Variants in ROCK1 observed in about 807,000 individuals in gnomAD.
ROCK1 encodes the protein rho-associated protein kinase 1.
ROCK1 carries 36 observed loss-of-function variants against 196.8 expected under a neutral mutation model. The ratio of observed to expected loss-of-function variants is 0.18; its 90% CI spans 0.14 to 0.24. The LOEUF (loss-of-function observed/expected upper bound fraction) is 0.24. Ranked by LOEUF, ROCK1 falls within the 10% of genes least tolerant of loss-of-function variation. The pLI is 1.00. For synonymous variants in ROCK1, 443 were observed against 515.9 expected (o/e 0.86, Z 1.91); for missense variants, 920 against 1,562.0 (o/e 0.59, Z 6.93).
At position 20,966,968 on chromosome 18, in the gene ROCK1, T is replaced by C. The variant is rs752540628; in HGVS notation, c.3301A>G (p.Thr1101Ala). ...GCACTAGGAAAACTAGCAACACTTG[T>C]AGAATCCGAGAGGTCCAAAAGTTTA... is the stretch of plus-strand genomic sequence containing the variant. ...RAKLLDLSDS[T>A]SVASFPSADE... is the part of the protein sequence containing the mutation. The change falls in exon 27 of 33, where the codon ACA (threonine) becomes GCA (alanine). Residue 1101 changes from threonine to alanine, a missense_variant. This residue lies in a region of ROCK1 where 116 missense variants were observed against 204.2 expected (regional missense o/e 0.57). Transcript: ENST00000399799. The C allele has an allele frequency of 3.7e-6, 6 of 1,613,822 alleles. No homozygotes were observed. Among genetic ancestry groups the C allele is most frequent in the African/African-American group, 2.7e-5 (2 of 75,058 alleles).
chr18:21,096,862 G>A (rs1161223267), intron 1 of ROCK1, among the ~76,000 whole-genome samples: 1 of 152,110 alleles, frequency 6.6e-6, no homozygotes, highest in Non-Finnish European at 1.5e-5. Context: ...ATTCTCATTA[G>A]GTAAGATTAA....
chr18:20,985,804 C>T (rs2035573251), intron 19 of ROCK1, among the ~76,000 whole-genome samples: 1 of 152,110 alleles, frequency 6.6e-6, no homozygotes, highest in Non-Finnish European at 1.5e-5. Flanking sequence ...ATTCTATATA[C>T]CACTACCAGA....
At chr18:21,092,577 C>CT (rs2036579756) in intron 1 of ROCK1, among the ~76,000 whole-genome samples, 1 of 85,904 alleles carries the variant, frequency 1.2e-5, no homozygotes, top group Non-Finnish European at 1.9e-5. Flanking sequence ...AAGACCTCAT[C>CT]TTTAAAAAAA....
chr18:21,070,710 C>A (rs2036376917), intron 1 of ROCK1, 97 bp from the exon 2 acceptor site: 1 of 701,590 alleles, frequency 1.4e-6, no homozygotes, highest in East Asian at 3.0e-5. Context: ...TATTTAATTT[C>A]CCCTAACACA....
intron 29 of ROCK1, among the ~76,000 whole-genome samples, chr18:20,957,550 G>C (rs1205975493): frequency 6.6e-6 from 1 of 151,326 alleles, no homozygotes; most frequent in Non-Finnish European, 1.5e-5. Flanking sequence ...GCGCAATCTT[G>C]GCTCACCGCA....
In ROCK1 at chr18:20,979,892, A is replaced by G. The variant is rs2035514999; in HGVS notation, c.2654+18T>C. On this transcript the variant is annotated intron_variant, in intron 22 of 32. Transcript: ENST00000399799. The stretch of plus-strand genomic sequence containing the variant: ...CTGTTGCAGTACTGATTCTTGTTCT[A>G]AAGTAAAATGGACATACTTTTCATT... 1 of 1,521,052 alleles carries G rather than the reference A, an allele frequency of 6.6e-7. No homozygotes were observed. Among genetic ancestry groups the G allele is most frequent in the Non-Finnish European group, 8.8e-7 (1 of 1,132,906 alleles). The allele number at this position is 1,521,052 out of a possible 1,614,324, so 94.2% of individuals were successfully genotyped here.
rs745747942 is a variant in ROCK1, at chr18:20,967,949, ATAT to A, written c.3004-12_3004-10del. The A allele has an allele frequency of 6.7e-6, 10 of 1,486,492 alleles. No individual in the cohort carries two copies. The East Asian group carries it at 9.3e-5, about 14-fold the overall frequency. 92.1% of individuals were successfully genotyped at this position (1,486,492 alleles called of 1,614,324 possible). A position where few individuals can be genotyped will look rare whatever the true frequency, so the allele number is the denominator to read the frequency against. On this transcript the variant is annotated splice_polypyrimidine_tract_variant and intron_variant, in intron 25 of 32. Transcript: ENST00000399799. ...GCCAATTTGTTAACAGCCTATTAAAATATTATTAATAAAGATCAATAGTGTAGT... is the reference window on the plus strand; with the variant it reads ...GCCAATTTGTTAACAGCCTATTAAAATATTAATAAAGATCAATAGTGTAGT...
intron 2 of ROCK1, among the ~76,000 whole-genome samples, chr18:21,060,396 T>C (rs2036278391): frequency 6.6e-6 from 1 of 152,132 alleles, no homozygotes; most frequent in African/African-American, 2.4e-5. Flanking sequence ...CAACAGAAAC[T>C]CTCATTCATT....
chr18:20,984,425 C>T lies in ROCK1; in HGVS notation c.2415G>A (p.Lys805=), dbSNP rs2035559816. Residue 805 remains lysine, a synonymous_variant, in exon 20 of 33, where the codon AAG becomes AAA. Transcript: ENST00000399799. ...AAGTATTTATTTCCTGTTTCATCTG[C>T]TTTTCTAAACCTTTTAAATTGTCTG... ...FEADNLKGLE[K]QMKQEINTLL... is the part of the protein sequence containing the mutation. 6.2e-7 allele frequency: 1 copy of T among 1,612,726 alleles called. No homozygotes were observed. The highest frequency in any genetic ancestry group is 8.5e-7 in the Non-Finnish European group (1 of 1,179,488).
At chr18:20,981,010 A>C (rs1362879369) in intron 21 of ROCK1, among the ~76,000 whole-genome samples, 1 of 152,152 alleles carries the variant, frequency 6.6e-6, no homozygotes, top group Non-Finnish European at 1.5e-5. Context: ...TACTAATTTA[A>C]AGGTTAGATC....
At chr18:21,012,810 T>A (rs114022722) in intron 13 of ROCK1, among the ~76,000 whole-genome samples, 2,659 of 152,242 alleles carry the variant, frequency 0.017, 75 homozygotes, top group African/African-American at 0.058. Context: ...AGAGGCTCTG[T>A]CACTTTTTTT....
At chr18:21,051,463 A>G (rs1248426970) in intron 2 of ROCK1, among the ~76,000 whole-genome samples, 1 of 152,072 alleles carries the variant, frequency 6.6e-6, no homozygotes, top group African/African-American at 2.4e-5. Context: ...CAAAAAAAGG[A>G]AAGAACAAGT....
intron 9 of ROCK1, among the ~76,000 whole-genome samples, chr18:21,034,127 A>T (rs28805324): frequency 0.01 from 1,536 of 152,118 alleles, 20 homozygotes; most frequent in African/African-American, 0.036. Flanking sequence ...CCAAAAACTT[A>T]AAAACGTTGC....
At chr18:21,096,244 G>A (rs1162581560) in intron 1 of ROCK1, among the ~76,000 whole-genome samples, 1 of 150,186 alleles carries the variant, frequency 6.7e-6, no homozygotes, top group Non-Finnish European at 1.5e-5. Flanking sequence ...CTGTCACACA[G>A]GCTGAAGTGC....
intron 1 of ROCK1, among the ~76,000 whole-genome samples, chr18:21,093,741 G>GC (rs2036589781): frequency 6.6e-6 from 1 of 151,994 alleles, no homozygotes; most frequent in South Asian, 2.1e-4. Flanking sequence ...ATCAAGACTT[G>GC]GTTAGGAGAT....
At chr18:20,968,474 T>C (rs2035395551) in intron 25 of ROCK1, 2 of 248,900 alleles carry the variant, frequency 8.0e-6, no homozygotes, top group Non-Finnish European at 1.5e-5. Context: ...GCCCGGCTAA[T>C]TTTTGTATTT....
In ROCK1 at chr18:21,027,750, A is replaced by ATTT. The variant is rs751964514; in HGVS notation, c.1211+1023_1211+1025dup. Among the ~76,000 whole-genome samples, 196 of 95,318 alleles carry ATTT rather than the reference A, an allele frequency of 2.1e-3. 7 individuals are homozygous for ATTT. The highest frequency in any genetic ancestry group is 4.1e-3 in the African/African-American group (75 of 18,340). 62.5% of individuals were successfully genotyped at this position (95,318 alleles called of 152,430 possible). On this transcript the variant is annotated intron_variant, in intron 10 of 32. Coordinates refer to ENST00000399799, the MANE Select transcript of ROCK1 (RefSeq NM_005406.3). The stretch of plus-strand genomic sequence containing the variant: ...GTAAAATTTGGGGAGGAATCACTTA[A>ATTT]TTTTTTTTTTTTTTTTTTTTTTTTT...
intron 10 of ROCK1, among the ~76,000 whole-genome samples, chr18:21,026,662 TAA>T (rs1433577072): frequency 6.6e-6 from 1 of 152,086 alleles, no homozygotes; most frequent in African/African-American, 2.4e-5. Flanking sequence ...AAAGCCGGAC[TAA>T]ATTGTCTTTT....
chr18:21,106,522 A>G (rs1302681328), intron 1 of ROCK1, among the ~76,000 whole-genome samples: 1 of 152,186 alleles, frequency 6.6e-6, no homozygotes, highest in African/African-American at 2.4e-5. Context: ...ACTTAACTAA[A>G]CTCCATCCCT....
Sources: allele counts gnomAD v4.1 joint callset (sites outside exome capture counted in the v4.1 genomes callset), GRCh38; gene constraint gnomAD v4.1.1; regional missense constraint gnomAD v4.1.1; transcripts MANE v1.5; gene names NCBI Gene and HGNC (gene_info 2026-07-23, HGNC 2026-07-21).